The following ERCC6L2 variants were observed in gnomAD, a reference collection of about 807,000 sequenced individuals.
ERCC6L2 encodes the protein DNA excision repair protein ERCC-6-like 2.
In ERCC6L2, 77 loss-of-function variants were observed where a neutral mutation model predicts 132.0. The ratio of observed to expected loss-of-function variants is 0.58; its 90% confidence interval spans 0.49 to 0.71. ERCC6L2 has a LOEUF of 0.71. Ranked by LOEUF, ERCC6L2 falls within the 30% of genes least tolerant of loss-of-function variation. The pLI is 0.00. For missense variants in ERCC6L2, 1,542 were observed against 1,837.6 expected, an observed-to-expected ratio of 0.84 and a Z score of 2.94; for synonymous variants, 583 against 632.4, an observed-to-expected ratio of 0.92 and a Z score of 1.17.
intron 6 of ERCC6L2, chr9:95,918,255 A>G: frequency 2.3e-6 from 1 of 437,728 alleles, no homozygotes; most frequent in Non-Finnish European, 4.6e-6. Flanking sequence ...GTCTGGCTGG[A>G]AAAGACCCAC....
intron 11 of ERCC6L2, among the ~76,000 whole-genome samples, chr9:95,936,582 A>G (rs543332161): frequency 9.8e-4 from 149 of 152,324 alleles, no homozygotes; most frequent in African/African-American, 3.5e-3. Context: ...AGATATTTCT[A>G]GATTCACAAG....
intron 17 of ERCC6L2, among the ~76,000 whole-genome samples, chr9:95,981,611 G>A (rs1197646809): frequency 3.9e-5 from 6 of 152,150 alleles, no homozygotes; most frequent in African/African-American, 1.4e-4. Context: ...TCTGATAACA[G>A]AAGAGAAAAC....
Position 95,970,675 on chromosome 9 carries a change from T to C in ERCC6L2, c.2181+19T>C, listed in dbSNP as rs1175410310. ...GGAAATGGTATGTAATATTTGAACC[T>C]GTAGACTACAACACCTAGAAAACAT... On this transcript the variant is annotated intron_variant, in intron 15 of 18. Coordinates refer to ENST00000653738, the MANE Select transcript of ERCC6L2 (RefSeq NM_020207.7). 2 of 1,294,498 alleles carry C rather than the reference T, an allele frequency of 1.5e-6. No individual in the cohort carries two copies. Among genetic ancestry groups the C allele is most frequent in the Non-Finnish European group, 2.0e-6 (2 of 983,546 alleles). 80.2% of individuals were successfully genotyped at this position (1,294,498 alleles called of 1,614,324 possible).
At chr9:95,948,611 C>T (rs1465279928) in intron 12 of ERCC6L2, among the ~76,000 whole-genome samples, 1 of 151,968 alleles carries the variant, frequency 6.6e-6, no homozygotes, top group Non-Finnish European at 1.5e-5. Flanking sequence ...GCAGCATACC[C>T]AGGCAGGATG....
At position 96,012,130 on chromosome 9, in the gene ERCC6L2, T is replaced by G. The variant is rs1164702325; in HGVS notation, c.3675-95T>G. 7.3e-6 allele frequency: 6 copies of G among 821,814 alleles called. No homozygotes were observed. The East Asian group carries it at 4.0e-4, about 54-fold the overall frequency. 50.9% of individuals were successfully genotyped at this position (821,814 alleles called of 1,614,324 possible). ...CGTATGCTAAAGGAACAAGATTACC[T>G]TCTGTGGACTCTACATTTCCTCTTA... On this transcript the variant is annotated intron_variant, in intron 18 of 18. Transcript: ENST00000653738.
intron 17 of ERCC6L2, among the ~76,000 whole-genome samples, chr9:95,988,412 A>C (rs1833174914): frequency 6.6e-6 from 1 of 152,200 alleles, no homozygotes; most frequent in Non-Finnish European, 1.5e-5. Context: ...TGTTAGCTGC[A>C]TTACTTAGTA....
chr9:95,886,010 T>C (rs1353187930), intron 2 of ERCC6L2, among the ~76,000 whole-genome samples: 4 of 152,064 alleles, frequency 2.6e-5, no homozygotes, highest in Admixed American at 6.6e-5. Context: ...TCTTTTTTGT[T>C]GTTGTTCTCT....
At chr9:95,952,972 T>G (rs1300955771) in intron 12 of ERCC6L2, among the ~76,000 whole-genome samples, 4 of 152,216 alleles carry the variant, frequency 2.6e-5, no homozygotes, top group Non-Finnish European at 5.9e-5. Context: ...GATACCTGTT[T>G]TTGCCAGAAA....
At chr9:95,886,961 T>C (rs1827902951) in intron 2 of ERCC6L2, among the ~76,000 whole-genome samples, 1 of 152,224 alleles carries the variant, frequency 6.6e-6, no homozygotes, top group Non-Finnish European at 1.5e-5. Context: ...TCCTTGAACG[T>C]CGGACTCAAG....
chr9:96,013,128 T>C lies in ERCC6L2; in HGVS notation c.4578T>C (p.Asn1526=), dbSNP rs765620437. Residue 1526 remains asparagine (N), a synonymous_variant, in exon 19 of 19, where the codon AAT becomes AAC. Coordinates refer to ENST00000653738, the MANE Select transcript of ERCC6L2 (RefSeq NM_020207.7). ...EEPATSLWKS[N]EKFLWKKFSP... ...CAGCAACTTCTCTTTGGAAATCAAA[T>C]GAGAAATTTTTATGGAAGAAATTTA... 11 of 1,367,218 alleles carry C rather than the reference T, an allele frequency of 8.0e-6. No individual in the cohort carries two copies. In the South Asian group the frequency reaches 1.0e-4, roughly 13 times the overall value. 84.7% of individuals were successfully genotyped at this position (1,367,218 alleles called of 1,614,324 possible).
chr9:95,937,917 A>G (rs1288521982), intron 11 of ERCC6L2, among the ~76,000 whole-genome samples: 1 of 150,578 alleles, frequency 6.6e-6, no homozygotes, highest in African/African-American at 2.4e-5. Context: ...GAGACCTTTA[A>G]TTTTTTTCTA....
chr9:95,928,426 A>G (rs990207128), intron 10 of ERCC6L2: 12 of 411,584 alleles, frequency 2.9e-5, no homozygotes, highest in African/African-American at 2.1e-4. Context: ...TTTAGAACTT[A>G]AAAAATAGCA....
chr9:95,907,852 CACA>C (rs1829139273), intron 4 of ERCC6L2, among the ~76,000 whole-genome samples: 4 of 149,908 alleles, frequency 2.7e-5, no homozygotes, highest in Admixed American at 1.3e-4. Flanking sequence ...CACACACACA[CACA>C]CCCCCACACC....
chr9:95,936,611 C>T (rs1830563258), intron 11 of ERCC6L2, among the ~76,000 whole-genome samples: 9 of 152,154 alleles, frequency 5.9e-5, no homozygotes, highest in Admixed American at 5.9e-4. Flanking sequence ...AGAAATAATA[C>T]AGAATGATCC....
chr9:96,031,063 G>T (rs1834453048), intron 19 of ERCC6L2, among the ~76,000 whole-genome samples: 1 of 152,140 alleles, frequency 6.6e-6, no homozygotes, highest in African/African-American at 2.4e-5. Flanking sequence ...ATTAAAACAA[G>T]TCCCGGACAC....
chr9:95,979,567 A>G (rs1357551998), intron 17 of ERCC6L2, among the ~76,000 whole-genome samples: 1 of 152,208 alleles, frequency 6.6e-6, no homozygotes, highest in Non-Finnish European at 1.5e-5. Flanking sequence ...TAATATCCCT[A>G]GAATAAATCT....
intron 6 of ERCC6L2, among the ~76,000 whole-genome samples, chr9:95,920,012 T>A (rs1208567973): frequency 6.6e-6 from 1 of 152,240 alleles, no homozygotes; most frequent in Non-Finnish European, 1.5e-5. Context: ...TCTGATTATT[T>A]GAGACTGCTT....
intron 2 of ERCC6L2, among the ~76,000 whole-genome samples, chr9:95,892,843 A>G (rs1828244731): frequency 6.6e-6 from 1 of 152,142 alleles, no homozygotes; most frequent in African/African-American, 2.4e-5. Flanking sequence ...TTTTTTTACT[A>G]TGAAGTGTCC....
At chr9:95,908,756 T>C (rs1180111374) in intron 4 of ERCC6L2, among the ~76,000 whole-genome samples, 1 of 151,720 alleles carries the variant, frequency 6.6e-6, no homozygotes, top group East Asian at 1.9e-4. Context: ...ATCTAGTAAG[T>C]CTTTAAAATG....
Sources: allele counts gnomAD v4.1 joint callset (sites outside exome capture counted in the v4.1 genomes callset), GRCh38; gene constraint gnomAD v4.1.1; transcripts MANE v1.5; gene names NCBI Gene and HGNC (gene_info 2026-07-23, HGNC 2026-07-21).